Variants in HECW1 observed in about 807,000 individuals in gnomAD.
The protein encoded by HECW1 is E3 ubiquitin-protein ligase HECW1.
HECW1 carries 61 observed loss-of-function variants against 182.3 expected under a neutral mutation model. That is an observed-to-expected ratio of 0.33 (90% CI 0.27 to 0.41). The LOEUF (loss-of-function observed/expected upper bound fraction) is 0.41, where lower values mean the gene tolerates loss of function less well. HECW1 is among the 10% of genes least tolerant of loss of function. The probability of loss-of-function intolerance (pLI) is 1.00; values close to 1 mark genes in which losing one functional copy is unlikely to be tolerated. For missense variants in HECW1, 1,739 were observed against 2,108.9 expected, an observed-to-expected ratio of 0.82 and a Z score of 3.44; for synonymous variants, 859 against 832.6, an observed-to-expected ratio of 1.03 and a Z score of -0.55.
chr7:43,469,315 TAGCAGCACTCCTAG>T (rs2077921008), intron 16 of HECW1, among the ~76,000 whole-genome samples: 1 of 152,210 alleles, frequency 6.6e-6, no homozygotes, highest in Non-Finnish European at 1.5e-5. Context: ...TACGGGACAT[TAGCAGCACTCCTAG>T]CCCTCACGCT....
chr7:43,143,718 G>A (rs1788408457), intron 2 of HECW1, among the ~76,000 whole-genome samples: 1 of 152,138 alleles, frequency 6.6e-6, no homozygotes, highest in Non-Finnish European at 1.5e-5. Flanking sequence ...GATCCTCCTG[G>A]CTACCAACCG....
chr7:43,202,358 A>G (rs975236145), intron 2 of HECW1, among the ~76,000 whole-genome samples: 19 of 152,224 alleles, frequency 1.2e-4, no homozygotes, highest in African/African-American at 4.6e-4. Context: ...CATGACATCA[A>G]TAATGACAAT....
At chr7:43,286,685 A>G (rs1235056569) in intron 3 of HECW1, among the ~76,000 whole-genome samples, 1 of 151,964 alleles carries the variant, frequency 6.6e-6, no homozygotes, top group Non-Finnish European at 1.5e-5. Flanking sequence ...CACCCCCCCA[A>G]AGGTGTTTGG....
At chr7:43,402,511 C>T (rs2075461263) in intron 7 of HECW1, among the ~76,000 whole-genome samples, 1 of 152,146 alleles carries the variant, frequency 6.6e-6, no homozygotes, top group African/African-American at 2.4e-5. Flanking sequence ...ACCAGATTTT[C>T]ATATATGTGG....
intron 5 of HECW1, among the ~76,000 whole-genome samples, chr7:43,335,007 T>A (rs543853492): frequency 2.4e-4 from 36 of 152,308 alleles, no homozygotes; most frequent in African/African-American, 8.4e-4. Context: ...AAATTTCTGG[T>A]GAAAATTAAA....
At chr7:43,164,620 G>A (rs1790904216) in intron 2 of HECW1, among the ~76,000 whole-genome samples, 1 of 152,240 alleles carries the variant, frequency 6.6e-6, no homozygotes, top group Non-Finnish European at 1.5e-5. Context: ...TGCAGGGCCA[G>A]CAGCCATGGC....
intron 2 of HECW1, among the ~76,000 whole-genome samples, chr7:43,237,931 G>A (rs941859688): frequency 3.9e-5 from 6 of 152,068 alleles, no homozygotes; most frequent in African/African-American, 9.7e-5. Flanking sequence ...TACTGAAGCC[G>A]ATGGGAGAGG....
At chr7:43,467,613 G>C (rs955248162) in intron 15 of HECW1, among the ~76,000 whole-genome samples, 2 of 152,048 alleles carry the variant, frequency 1.3e-5, no homozygotes, top group Non-Finnish European at 2.9e-5. Context: ...AGCTGAGGGG[G>C]TTAAGACACA....
chr7:43,326,892 A>G (rs931038978), intron 5 of HECW1, among the ~76,000 whole-genome samples: 1 of 152,236 alleles, frequency 6.6e-6, no homozygotes, highest in Non-Finnish European at 1.5e-5. Context: ...GAGCCAGAAC[A>G]AGCTCGCTGG....
At chr7:43,312,116 C>T (rs368656082) in intron 4 of HECW1, 29 bp downstream of exon 4, 2 of 1,549,146 alleles carry the variant, frequency 1.3e-6, no homozygotes, top group Middle Eastern at 1.7e-4. Context: ...GTGTATTATT[C>T]ATAATTCACT....
intron 8 of HECW1, among the ~76,000 whole-genome samples, chr7:43,423,754 C>T (rs1448754843): frequency 3.3e-5 from 5 of 152,226 alleles, no homozygotes; most frequent in Middle Eastern, 3.4e-3. Flanking sequence ...AATCAGCCAT[C>T]GAGGGAGTAT....
intron 6 of HECW1, among the ~76,000 whole-genome samples, chr7:43,379,237 T>C (rs2074451777): frequency 6.6e-6 from 1 of 152,178 alleles, no homozygotes. Flanking sequence ...CTCTCTGATG[T>C]GGAGAGAAGG....
chr7:43,251,798 T>G (rs987851898), intron 3 of HECW1, among the ~76,000 whole-genome samples: 2 of 152,208 alleles, frequency 1.3e-5, no homozygotes, highest in Non-Finnish European at 2.9e-5. Flanking sequence ...CTTCCCCAAA[T>G]GGAATTAGCT....
chr7:43,259,856 A>G (rs11763488), intron 3 of HECW1, among the ~76,000 whole-genome samples: 31,910 of 152,124 alleles, frequency 0.21, 3,709 homozygotes, highest in Middle Eastern at 0.39. Flanking sequence ...AGTAGTTGCA[A>G]TCCTAGAATA....
chr7:43,426,084 C>T (rs1302706465), intron 8 of HECW1, among the ~76,000 whole-genome samples: 3 of 152,072 alleles, frequency 2.0e-5, no homozygotes, highest in Admixed American at 6.5e-5. Context: ...AACAAGCTGT[C>T]TGATGGGATG....
chr7:43,495,590 A>G (rs2079088700), intron 19 of HECW1, among the ~76,000 whole-genome samples: 1 of 152,176 alleles, frequency 6.6e-6, no homozygotes, highest in Non-Finnish European at 1.5e-5. Flanking sequence ...CTCTACTTTG[A>G]AAATAGGAAA....
At chr7:43,309,156 G>C (rs1056143729) in intron 3 of HECW1, among the ~76,000 whole-genome samples, 11 of 152,144 alleles carry the variant, frequency 7.2e-5, no homozygotes, top group African/African-American at 1.2e-4. Flanking sequence ...GTGCATCATG[G>C]AGCAGAAAGT....
At chr7:43,305,505 C>T (rs541878102) in intron 3 of HECW1, among the ~76,000 whole-genome samples, 2 of 152,226 alleles carry the variant, frequency 1.3e-5, no homozygotes, top group Admixed American at 6.5e-5. Context: ...TCCTGCCACA[C>T]GATGGATGAC....
Position 43,493,064 on chromosome 7 carries a change from T to C in HECW1, c.3341-20T>C, listed in dbSNP as rs1418895833. The C allele has an allele frequency of 2.5e-6, 4 of 1,571,042 alleles. No individual in the cohort carries two copies. In the Admixed American group the frequency reaches 5.0e-5, roughly 20 times the overall value. ...TCTGGGCTGCAGACTCAACCACAAC[T>C]GTGCTTTTGTCTGTTTCAGCATATA... is the stretch of plus-strand genomic sequence containing the variant. On this transcript the variant is annotated intron_variant, in intron 18 of 29. Coordinates refer to ENST00000395891, the MANE Select transcript of HECW1 (RefSeq NM_015052.5).
Sources: gnomAD v4.1 joint callset for allele counts (sites outside exome capture counted in the v4.1 genomes callset) on GRCh38, gnomAD v4.1.1 for gene constraint, MANE v1.5 for transcripts, NCBI Gene and HGNC (gene_info 2026-07-23, HGNC 2026-07-21) for gene names.